Variants in DAB1 observed in about 807,000 individuals in gnomAD.
DAB1 encodes DAB adaptor protein 1.
Under a neutral mutation model 64.6 loss-of-function variants are expected in DAB1, and 15 were observed. That is an observed-to-expected ratio of 0.23 (90% CI 0.16 to 0.36). The LOEUF is 0.36. Among genes scored for constraint, DAB1 ranks in the 10% least tolerant of loss-of-function variants. The probability of loss-of-function intolerance (pLI) is 1.00; values close to 1 mark genes in which losing one functional copy is unlikely to be tolerated. For synonymous variants in DAB1, 235 were observed against 251.9 expected, an observed-to-expected ratio of 0.93 and a Z score of 0.64; for missense variants, 596 against 706.7, an observed-to-expected ratio of 0.84 and a Z score of 1.78.
intron 1 of DAB1, among the ~76,000 whole-genome samples, chr1:57,873,018 G>C (rs182636979): frequency 6.1e-4 from 93 of 152,172 alleles, no homozygotes; most frequent in African/African-American, 2.0e-3. Flanking sequence ...TCTGATTTTT[G>C]TGTGATAGGA....
At chr1:57,580,351 A>ATGGAT (rs1047354866) in intron 7 of DAB1, among the ~76,000 whole-genome samples, 48 of 152,212 alleles carry the variant, frequency 3.2e-4, no homozygotes, top group African/African-American at 1.1e-3. Flanking sequence ...CTGCCTTACC[A>ATGGAT]GGCAGCCCCA....
chr1:57,768,447 G>A (rs951275293), intron 6 of DAB1, among the ~76,000 whole-genome samples: 2 of 151,484 alleles, frequency 1.3e-5, no homozygotes, highest in Non-Finnish European at 2.9e-5. Context: ...AGGATATATT[G>A]TCCAAATAAC....
Position 57,639,272 on chromosome 1 carries a change from T to C in DAB1, n.625+10320A>G, listed in dbSNP as rs182229608. ...AGTAAAGAACTTTAGTAAGTAACTT[T>C]ATAAAGTTCTTTATAAAGAACTTTA... On this transcript the variant is annotated intron_variant and non_coding_transcript_variant, in intron 7 of 20. Transcript: ENST00000485760. 1.1e-3 allele frequency among the ~76,000 whole-genome samples: 159 copies of C among 150,458 alleles called. 4 individuals carry two copies. The South Asian group carries it at 0.029, about 27-fold the overall frequency.
chr1:57,657,960 T>C (rs1646337874), intron 6 of DAB1, among the ~76,000 whole-genome samples: 1 of 152,200 alleles, frequency 6.6e-6, no homozygotes, highest in Non-Finnish European at 1.5e-5. Context: ...AAGTCATCCA[T>C]CCATCCTTCC....
intron 2 of DAB1, among the ~76,000 whole-genome samples, chr1:57,162,803 A>G (rs939033316): frequency 3.3e-5 from 5 of 152,256 alleles, no homozygotes; most frequent in Non-Finnish European, 4.4e-5. Flanking sequence ...ATTTCTTTAG[A>G]GTACAAAGGG....
At chr1:57,875,512 G>A (rs922868241) in intron 1 of DAB1, among the ~76,000 whole-genome samples, 4 of 152,054 alleles carry the variant, frequency 2.6e-5, no homozygotes, top group African/African-American at 9.7e-5. Flanking sequence ...CTGTGCTTCC[G>A]TTATACCTGC....
At chr1:58,463,915 G>A (rs569582040) in intron 3 of DAB1, among the ~76,000 whole-genome samples, 1 of 152,232 alleles carries the variant, frequency 6.6e-6, no homozygotes. Flanking sequence ...AAGATTGTGG[G>A]TGAATGCCCC....
chr1:58,377,555 A>T (rs1644340815), intron 3 of DAB1, among the ~76,000 whole-genome samples: 1 of 137,920 alleles, frequency 7.3e-6, no homozygotes, highest in South Asian at 2.3e-4. Flanking sequence ...ATCTGCTGTT[A>T]GTCTGATGGG....
At chr1:58,005,608 T>TA (rs5774389) in intron 5 of DAB1, among the ~76,000 whole-genome samples, 24,935 of 132,818 alleles carry the variant, frequency 0.19, 2,834 homozygotes, top group East Asian at 0.33. Flanking sequence ...CTGCCTTGGT[T>TA]AAAAAAAAAA....
intron 4 of DAB1, among the ~76,000 whole-genome samples, chr1:58,188,110 T>G (rs1163216792): frequency 6.6e-6 from 1 of 151,868 alleles, no homozygotes; most frequent in African/African-American, 2.4e-5. Flanking sequence ...GGTTTCACCA[T>G]GTTGGCCAGA....
intron 4 of DAB1, among the ~76,000 whole-genome samples, chr1:58,317,013 T>C (rs1662572903): frequency 6.6e-6 from 1 of 152,250 alleles, no homozygotes; most frequent in Non-Finnish European, 1.5e-5. Flanking sequence ...AATCAGTTCA[T>C]TCATTAAGAA....
chr1:58,112,322 T>C (rs538400734), intron 5 of DAB1, among the ~76,000 whole-genome samples: 1 of 152,360 alleles, frequency 6.6e-6, no homozygotes, highest in African/African-American at 2.4e-5. Context: ...TTTGCCTTGT[T>C]CAGGGCCATA....
intron 5 of DAB1, among the ~76,000 whole-genome samples, chr1:57,935,660 G>A (rs534499399): frequency 6.6e-6 from 1 of 152,112 alleles, no homozygotes; most frequent in South Asian, 2.1e-4. Context: ...TCACAAAGTG[G>A]TTTAATCACA....
At chr1:58,156,330 T>A (rs1655227568) in intron 4 of DAB1, among the ~76,000 whole-genome samples, 1 of 152,200 alleles carries the variant, frequency 6.6e-6, no homozygotes, top group South Asian at 2.1e-4. Flanking sequence ...AGCTTCTCAG[T>A]TGCCTTGAGG....
chr1:57,949,454 ATTCT>A (rs1378019375), intron 5 of DAB1, among the ~76,000 whole-genome samples: 1 of 143,304 alleles, frequency 7.0e-6, no homozygotes, highest in Admixed American at 7.2e-5. Context: ...GTGTTAAGCA[ATTCT>A]TTATCTATCT....
chr1:57,158,942 G>A (rs772165905), intron 2 of DAB1, among the ~76,000 whole-genome samples: 5 of 152,120 alleles, frequency 3.3e-5, no homozygotes, highest in African/African-American at 4.8e-5. Context: ...CAATTTTCAC[G>A]TTTCTGTAGA....
At chr1:57,018,439 T>C (rs1039015395) in intron 11 of DAB1, among the ~76,000 whole-genome samples, 7 of 152,242 alleles carry the variant, frequency 4.6e-5, no homozygotes, top group African/African-American at 1.4e-4. Context: ...TTACAAGTTC[T>C]CTTTCTTTTC....
chr1:58,296,195 G>GAGAA (rs56816699), intron 4 of DAB1, among the ~76,000 whole-genome samples: 12,691 of 93,146 alleles, frequency 0.14, 1,399 homozygotes, highest in East Asian at 0.16. Context: ...GAGAAAGAAA[G>GAGAA]AGAAAGAAAG....
At chr1:58,077,564 G>C (rs1230129944) in intron 5 of DAB1, among the ~76,000 whole-genome samples, 1 of 152,216 alleles carries the variant, frequency 6.6e-6, no homozygotes, top group Non-Finnish European at 1.5e-5. Context: ...ACAATCTTAT[G>C]TAATTCCAAC....
Sources: allele counts gnomAD v4.1 joint callset (sites outside exome capture counted in the v4.1 genomes callset), GRCh38; gene constraint gnomAD v4.1.1; transcripts MANE v1.5; gene names NCBI Gene and HGNC (gene_info 2026-07-23, HGNC 2026-07-21).